DOCK8: variants seen among roughly 807,000 people sequenced by gnomAD.
The protein encoded by DOCK8 is dedicator of cytokinesis protein 8.
DOCK8 carries 141 observed loss-of-function variants against 245.6 expected under a neutral mutation model. The observed-to-expected ratio is 0.57, with a 90% CI of 0.50 to 0.66. DOCK8 has a LOEUF of 0.66. DOCK8 is among the 30% of genes least tolerant of loss of function. DOCK8 has a pLI of 0.00. For missense variants in DOCK8, 2,965 were observed against 2,603.4 expected, an observed-to-expected ratio of 1.14 and a Z score of -3.02; for synonymous variants, 1,168 against 970.2, an observed-to-expected ratio of 1.20 and a Z score of -3.79.
chr9:386,341 G>A lies in DOCK8; in HGVS notation c.2789G>A (p.Arg930His), dbSNP rs201750887. The change falls in exon 23 of 48, where the codon CGC becomes CAC. Residue 930 changes from arginine to histidine, a missense_variant. Transcript: ENST00000432829. Reference sequence around the variant, plus strand: ...GTTTGTGTATTTTAGATCGCCGATCGCAACTGCAGCCGAATGTCTTACTAT... The same window carrying A: ...GTTTGTGTATTTTAGATCGCCGATCACAACTGCAGCCGAATGTCTTACTAT... ...KNIMSSKIAD[R>H]NCSRMSYYCS... 9 of 1,613,350 alleles carry A rather than the reference G, an allele frequency of 5.6e-6. No homozygotes were observed. Among genetic ancestry groups the A allele is most frequent in the Admixed American group, 3.3e-5 (2 of 59,990 alleles).
chr9:332,801 G>T lies in DOCK8; in HGVS notation c.1125+323G>T, dbSNP rs1451998554. 5.3e-5 allele frequency among the ~76,000 whole-genome samples: 8 copies of T among 151,716 alleles called. No homozygotes were observed. The East Asian group carries it at 1.4e-3, about 26-fold the overall frequency. On this transcript the variant is annotated intron_variant, in intron 10 of 47. Transcript: ENST00000432829. ...GCCTCTTGAGCAGCTGGTACTACAGGCACATGCCACCATGCTTGGCTAGTT... is the reference window on the plus strand; with the variant it reads ...GCCTCTTGAGCAGCTGGTACTACAGTCACATGCCACCATGCTTGGCTAGTT...
In DOCK8 at chr9:433,939, A is replaced by G. The variant is rs140846364; in HGVS notation, c.4850A>G (p.Gln1617Arg). 91 of 1,613,992 alleles carry G rather than the reference A, an allele frequency of 5.6e-5. No individual in the cohort carries two copies. In the African/African-American group the frequency reaches 1.2e-3, roughly 22 times the overall value. ...GACACAGTGAAAATGAGGGAATTTC[A>G]GGAAGATCCTGAGATGCTTATGGAT... is the stretch of plus-strand genomic sequence containing the variant. ...LYDTVKMREF[Q>R]EDPEMLMDLM... The change falls in exon 38 of 48, where the codon CAG becomes CGG. Residue 1617 changes from glutamine to arginine, a missense_variant. By Grantham distance (43) the Gln-to-Arg change is conservative. Around this residue, in one of 3 missense-constraint regions of DOCK8, gnomAD observed 2,825 missense variants for 2,453.5 expected, o/e 1.15. Coordinates refer to ENST00000432829, the MANE Select transcript of DOCK8 (RefSeq NM_203447.4).
At chr9:307,386 T>G (rs2049894362) in intron 5 of DOCK8, among the ~76,000 whole-genome samples, 2 of 121,908 alleles carry the variant, frequency 1.6e-5, no homozygotes, top group Admixed American at 1.0e-4. Context: ...TGAGATGGAG[T>G]TTTGCTCTTA....
At chr9:261,997 G>GAGAAAGAAAAGAAAGAA (rs1554648147) in intron 1 of DOCK8, among the ~76,000 whole-genome samples, 3 of 146,734 alleles carry the variant, frequency 2.0e-5, no homozygotes, top group African/African-American at 7.6e-5. Flanking sequence ...AAGAAAGAAG[G>GAGAAAGAAAAGAAAGAA]AGAAAGAAAG....
intron 1 of DOCK8, among the ~76,000 whole-genome samples, chr9:221,527 G>C (rs1387055294): frequency 2.6e-5 from 4 of 152,004 alleles, no homozygotes; most frequent in Non-Finnish European, 5.9e-5. Flanking sequence ...AAGTATACAG[G>C]AGGGCTGGCC....
intron 1 of DOCK8, among the ~76,000 whole-genome samples, chr9:228,609 T>C (rs1224522498): frequency 6.6e-6 from 1 of 152,200 alleles, no homozygotes. Flanking sequence ...ACTCGCACTT[T>C]GAGTTCAGAT....
chr9:355,235 C>CGCTCTG (rs2052377787), intron 14 of DOCK8, among the ~76,000 whole-genome samples: 1 of 131,118 alleles, frequency 7.6e-6, no homozygotes, highest in South Asian at 2.4e-4. Flanking sequence ...GACAGAGTCT[C>CGCTCTG]GCTCTGTCAC....
At chr9:331,852 T>C (rs1236922191) in intron 9 of DOCK8, among the ~76,000 whole-genome samples, 3 of 152,222 alleles carry the variant, frequency 2.0e-5, no homozygotes, top group East Asian at 3.8e-4. Flanking sequence ...GAATTAGCCC[T>C]GATAGGAATT....
intron 46 of DOCK8, among the ~76,000 whole-genome samples, chr9:462,798 C>T (rs538999423): frequency 6.6e-6 from 1 of 152,326 alleles, no homozygotes; most frequent in South Asian, 2.1e-4. Flanking sequence ...GCTCTGTCTG[C>T]CATGTTGCTG....
intron 14 of DOCK8, chr9:365,511 A>G (rs985425135): frequency 1.8e-4 from 77 of 436,832 alleles, no homozygotes; most frequent in African/African-American, 1.4e-3. Context: ...TCATGCTTCT[A>G]TTATAGTAAT....
rs2054479785 is a variant in DOCK8, at chr9:396,794, A to G, written c.2980A>G (p.Met994Val). ...CCATCCCCCTCCGCAGGTGAAAAGC[A>G]TGGCCCAGCACGTACATAACATGGA... ...WFFFELLVKS[M>V]AQHVHNMDKR... Residue 994 changes from methionine (M) to valine (V), a missense_variant, in exon 25 of 48, where the codon ATG becomes GTG. Physicochemically the swap from Met to Val is conservative, Grantham distance 21 (BLOSUM62 1). Around this residue, in one of 3 missense-constraint regions of DOCK8, gnomAD observed 2,825 missense variants for 2,453.5 expected, o/e 1.15. Coordinates refer to ENST00000432829, the MANE Select transcript of DOCK8 (RefSeq NM_203447.4). 1 of 1,614,140 alleles carries G rather than the reference A, an allele frequency of 6.2e-7. No homozygotes were observed. Among genetic ancestry groups the G allele is most frequent in the Non-Finnish European group, 8.5e-7 (1 of 1,180,018 alleles).
intron 14 of DOCK8, among the ~76,000 whole-genome samples, chr9:352,013 G>A (rs1041570994): frequency 2.6e-5 from 4 of 152,214 alleles, no homozygotes; most frequent in South Asian, 2.1e-4. Flanking sequence ...TTTGGTGGGC[G>A]TCGAGCATGT....
chr9:311,418 CTTT>C (rs527490172), intron 5 of DOCK8, among the ~76,000 whole-genome samples: 1 of 139,188 alleles, frequency 7.2e-6, no homozygotes, highest in African/African-American at 2.7e-5. Context: ...CTAAGTTTTG[CTTT>C]TTTTTTTTTT....
chr9:344,535 A>AGCTAAGTTCGCCTTGGGTG (rs1222517337), intron 14 of DOCK8, among the ~76,000 whole-genome samples: 2 of 150,018 alleles, frequency 1.3e-5, no homozygotes, highest in African/African-American at 5.0e-5. Flanking sequence ...AAAATTGGCA[A>AGCTAAGTTCGCCTTGGGTG]GCTGACTAAG....
intron 1 of DOCK8, among the ~76,000 whole-genome samples, chr9:224,328 A>G (rs1346479364): frequency 6.6e-6 from 1 of 152,224 alleles, no homozygotes; most frequent in East Asian, 1.9e-4. Flanking sequence ...AGTTGAGTCG[A>G]TAACATGTTA....
chr9:433,368 C>T (rs2056785911), intron 37 of DOCK8, among the ~76,000 whole-genome samples: 1 of 152,146 alleles, frequency 6.6e-6, no homozygotes, highest in African/African-American at 2.4e-5. Flanking sequence ...CATAGTCTCT[C>T]CCTGTTTTTG....
chr9:450,056 C>A, intron 45 of DOCK8, 129 bp downstream of exon 45: 3 of 1,021,432 alleles, frequency 2.9e-6, no homozygotes, highest in Non-Finnish European at 4.3e-6. Context: ...TGTTCCTACA[C>A]TTAACCTGAA....
intron 26 of DOCK8, among the ~76,000 whole-genome samples, chr9:402,225 G>A (rs1390626493): frequency 2.6e-5 from 4 of 151,878 alleles, no homozygotes; most frequent in Admixed American, 6.6e-5. Context: ...CTTTTCTCTT[G>A]CTCACTATCT....
chr9:292,778 A>G (rs115497499), intron 4 of DOCK8, among the ~76,000 whole-genome samples: 2,568 of 152,214 alleles, frequency 0.017, 65 homozygotes, highest in African/African-American at 0.059. Flanking sequence ...TTAAATCTAT[A>G]TTAATATTTT....
Sources: allele counts gnomAD v4.1 joint callset (sites outside exome capture counted in the v4.1 genomes callset), GRCh38; gene constraint gnomAD v4.1.1; regional missense constraint gnomAD v4.1.1; transcripts MANE v1.5; gene names NCBI Gene and HGNC (gene_info 2026-07-23, HGNC 2026-07-21).